The following REPS2 variants were observed in gnomAD, a reference collection of about 807,000 sequenced individuals.
REPS2 encodes ralBP1-associated Eps domain-containing protein 2.
In REPS2, 23 loss-of-function variants were observed where a neutral mutation model predicts 53.6. That is an observed-to-expected ratio of 0.43 (90% CI 0.31 to 0.61). REPS2 has a LOEUF of 0.61. Among genes scored for constraint, REPS2 ranks in the 20% least tolerant of loss-of-function variants. The pLI is 0.11. For missense variants in REPS2, 446 were observed against 534.9 expected, an observed-to-expected ratio of 0.83 and a Z score of 1.64; for synonymous variants, 238 against 218.6, an observed-to-expected ratio of 1.09 and a Z score of -0.78.
At chrX:17,055,213 G>T (rs1309638479) in intron 8 of REPS2, among the ~76,000 whole-genome samples, 1 of 71,663 alleles carries the variant, frequency 1.4e-5, no homozygotes, top group Non-Finnish European at 2.6e-5. Flanking sequence ...TTTTTTTCTT[G>T]TAAATTTGTT....
chrX:17,074,172 T>G lies in REPS2; in HGVS notation c.1379+13T>G. On this transcript the variant is annotated intron_variant, in intron 12 of 17. Transcript: ENST00000357277. ...GACCAAGATCCAGGTAGTGTTCGTTTAATTTCTGCTTTAATGCCCTTTGTG... is the reference window on the plus strand; with the variant it reads ...GACCAAGATCCAGGTAGTGTTCGTTGAATTTCTGCTTTAATGCCCTTTGTG... 8.3e-7 allele frequency: 1 copy of G among 1,203,181 alleles called. No individual in the cohort carries two copies. The highest frequency in any genetic ancestry group is 1.1e-6 in the Non-Finnish European group (1 of 888,138).
At chrX:17,056,158 G>C (rs2062067686) in intron 8 of REPS2, among the ~76,000 whole-genome samples, 1 of 111,766 alleles carries the variant, frequency 8.9e-6, no homozygotes, top group Non-Finnish European at 1.9e-5. Context: ...GGCTGATCTG[G>C]GTAAGTGTGT....
the REPS2 span, among the ~76,000 whole-genome samples, chrX:17,176,548 C>T: frequency 5.3e-5 from 6 of 112,364 alleles, no homozygotes; most frequent in Admixed American, 5.6e-4. Context: ...TTTACAACCA[C>T]GTATGCCCCT....
At chrX:16,972,211 T>C (rs777453821) in intron 1 of REPS2, among the ~76,000 whole-genome samples, 2 of 112,356 alleles carry the variant, frequency 1.8e-5, no homozygotes, top group East Asian at 5.6e-4. Context: ...TAAAAAGTGC[T>C]GTATCACCAA....
intron 1 of REPS2, among the ~76,000 whole-genome samples, chrX:16,974,720 T>A (rs895219605): frequency 1.2e-4 from 13 of 111,380 alleles, no homozygotes; most frequent in African/African-American, 3.6e-4. Flanking sequence ...TATGCATTTT[T>A]AAAAAAACTT....
chrX:17,172,324 A>G, the REPS2 span, among the ~76,000 whole-genome samples: 2 of 111,420 alleles, frequency 1.8e-5, no homozygotes, highest in African/African-American at 6.5e-5. Flanking sequence ...TGATTGGATC[A>G]TGGGGGTGGA....
chrX:17,185,314 T>C, the REPS2 span, among the ~76,000 whole-genome samples: 2 of 111,418 alleles, frequency 1.8e-5, no homozygotes, highest in Non-Finnish European at 1.9e-5. Context: ...AAGCTAGGAA[T>C]TGCAGTGTTA....
intron 13 of REPS2, among the ~76,000 whole-genome samples, chrX:17,086,804 C>A (rs758284502): frequency 3.6e-5 from 4 of 112,273 alleles, no homozygotes; most frequent in Non-Finnish European, 7.5e-5. Context: ...TTATATACAT[C>A]TGAATTTATA....
intron 1 of REPS2, among the ~76,000 whole-genome samples, chrX:16,963,885 C>T (rs1218033785): frequency 9.0e-6 from 1 of 111,290 alleles, no homozygotes; most frequent in Admixed American, 9.6e-5. Flanking sequence ...TTAGGTGAAA[C>T]AGTTCCTTGG....
chrX:17,118,847 T>C (rs751948364), intron 14 of REPS2, among the ~76,000 whole-genome samples: 11 of 112,379 alleles, frequency 9.8e-5, no homozygotes, highest in Middle Eastern at 4.6e-3. Flanking sequence ...GTGGGACATA[T>C]TTGATGTAGC....
At chrX:17,191,949 T>C in the REPS2 span, among the ~76,000 whole-genome samples, 1 of 112,531 alleles carries the variant, frequency 8.9e-6, no homozygotes, top group East Asian at 2.8e-4. Flanking sequence ...GTCTTGATTA[T>C]GGTGGTGCTT....
intron 1 of REPS2, among the ~76,000 whole-genome samples, chrX:16,953,188 G>A (rs990105514): frequency 9.0e-6 from 1 of 110,742 alleles, no homozygotes; most frequent in African/African-American, 3.3e-5. Flanking sequence ...TGCTGTTTTA[G>A]ATTGACAGTA....
At chrX:17,068,548 T>C in intron 10 of REPS2, 77 bp downstream of exon 10, 1 of 789,985 alleles carries the variant, frequency 1.3e-6, no homozygotes, top group Admixed American at 2.7e-5. Flanking sequence ...AATGGTGGCT[T>C]CTAGAGCATA....
chrX:17,017,366 TA>T (rs1336533814), intron 2 of REPS2, among the ~76,000 whole-genome samples: 5 of 111,719 alleles, frequency 4.5e-5, no homozygotes, highest in Non-Finnish European at 9.4e-5. Context: ...AAAAAGGTCG[TA>T]AAAAAAGCTT....
intron 13 of REPS2, among the ~76,000 whole-genome samples, chrX:17,093,322 G>A (rs926676256): frequency 1.9e-5 from 2 of 103,875 alleles, no homozygotes; most frequent in African/African-American, 3.5e-5. Flanking sequence ...AGTTCTCATC[G>A]AGACCCTAGG....
At chrX:16,947,220 C>A in intron 1 of REPS2, 86 bp downstream of exon 1, 1 of 931,651 alleles carries the variant, frequency 1.1e-6, no homozygotes, top group Admixed American at 6.0e-5. Flanking sequence ...CAGGGCTGCC[C>A]CCAGGGACCC....
In REPS2 at chrX:17,050,137, T is replaced by TCTTCCTTCCTTCCTTCCTTCCTTC. The variant is rs772334608; in HGVS notation, c.908-2238_908-2237insCCTTCCTTCCTTCCTTCCTTCCTT. Among the ~76,000 whole-genome samples, 159 of 48,992 alleles carry TCTTCCTTCCTTCCTTCCTTCCTTC rather than the reference T, an allele frequency of 3.2e-3. 12 individuals carry two copies. Among genetic ancestry groups the TCTTCCTTCCTTCCTTCCTTCCTTC allele is most frequent in the East Asian group, 4.8e-3 (2 of 413 alleles). The allele number at this position is 48,992 out of a possible 115,157, so 42.5% of individuals were successfully genotyped here. A position where few individuals can be genotyped will look rare whatever the true frequency, so the allele number is the denominator to read the frequency against. On this transcript the variant is annotated intron_variant, in intron 6 of 17. Transcript: ENST00000357277. ...TATGTTTCTTCTTTCTTTCTTCCTT[T>TCTTCCTTCCTTCCTTCCTTCCTTC]CTTCCTTTCTTTCTTTCTTTCTTTC...
rs1245490285 is a variant in REPS2, at chrX:16,964,735, C to T, written c.273+17601C>T. On this transcript the variant is annotated intron_variant, in intron 1 of 17. Transcript: ENST00000357277. ...CTCCTCACTTCCCAGTAGGGGCGGC[C>T]GGGCAGAGGCGCCCCTCACCTCCCG... 8.0e-5 allele frequency among the ~76,000 whole-genome samples: 8 copies of T among 99,490 alleles called. No homozygotes were observed. In the South Asian group the frequency reaches 1.8e-3, roughly 23 times the overall value. 86.4% of individuals were successfully genotyped at this position (99,490 alleles called of 115,157 possible). A position where few individuals can be genotyped will look rare whatever the true frequency, so the allele number is the denominator to read the frequency against.
intron 2 of REPS2, among the ~76,000 whole-genome samples, chrX:17,014,114 C>T (rs1369290771): frequency 3.6e-5 from 4 of 111,905 alleles, no homozygotes. Context: ...CCTTCAATGT[C>T]AGGGGTTTCT....
Sources: gnomAD v4.1 joint callset for allele counts (sites outside exome capture counted in the v4.1 genomes callset) on GRCh38, gnomAD v4.1.1 for gene constraint, MANE v1.5 for transcripts, NCBI Gene and HGNC (gene_info 2026-07-23, HGNC 2026-07-21) for gene names.